Variants in CLYBL observed in about 807,000 individuals in gnomAD.
CLYBL encodes citramalyl-CoA lyase, mitochondrial.
Under a neutral mutation model 38.9 loss-of-function variants are expected in CLYBL, and 31 were observed. That is an observed-to-expected ratio of 0.80 (90% confidence interval 0.60 to 1.08). CLYBL has a LOEUF of 1.08. CLYBL is among the 50% of genes least tolerant of loss of function. The pLI is 0.00. For synonymous variants in CLYBL, 171 were observed against 158.6 expected (o/e 1.08, Z -0.59); for missense variants, 434 against 411.6 (o/e 1.05, Z -0.47).
intron 2 of CLYBL, among the ~76,000 whole-genome samples, chr13:99,786,763 A>G (rs1594182499): frequency 8.5e-6 from 1 of 117,590 alleles, no homozygotes; most frequent in Non-Finnish European, 1.9e-5. Context: ...CTAGTTCTAG[A>G]TGCTTGAGGA....
chr13:99,613,642 A>T (rs2763939), intron 1 of CLYBL, among the ~76,000 whole-genome samples: 46,589 of 152,048 alleles, frequency 0.31, 8,494 homozygotes, highest in Non-Finnish European at 0.41. Context: ...CAATGGAAGC[A>T]GTGAGCGAGA....
At position 99,865,982 on chromosome 13, in the gene CLYBL, AAT is replaced by A. The variant is rs141608743; in HGVS notation, c.635-257_635-256del. 2.6e-5 allele frequency among the ~76,000 whole-genome samples: 4 copies of A among 152,328 alleles called. No individual in the cohort carries two copies. The highest frequency in any genetic ancestry group is 5.9e-5 in the Non-Finnish European group (4 of 68,026). ...TTGCGACCCTGACCCAGCCTCCCAGAATGGGGAAGGGGCCTTCTCTTAATGCA... is the reference window on the plus strand; with the variant it reads ...TTGCGACCCTGACCCAGCCTCCCAGAGGGGAAGGGGCCTTCTCTTAATGCA... On this transcript the variant is annotated intron_variant, in intron 5 of 8. Transcript: ENST00000339105. The surrounding 1 kb of genome is among the most constrained non-coding windows in gnomAD (Gnocchi z 4.7).
At chr13:99,634,392 C>A (rs9554620) in intron 1 of CLYBL, among the ~76,000 whole-genome samples, 62,316 of 151,960 alleles carry the variant, frequency 0.41, 13,587 homozygotes, top group East Asian at 0.67. Context: ...CAGATGATAA[C>A]TTGGATCTAT....
At chr13:99,707,484 G>A (rs2048164004) in intron 1 of CLYBL, among the ~76,000 whole-genome samples, 1 of 152,116 alleles carries the variant, frequency 6.6e-6, no homozygotes, top group Non-Finnish European at 1.5e-5. Context: ...GTGTTGGCCA[G>A]GCTGATCTCG....
intron 1 of CLYBL, among the ~76,000 whole-genome samples, chr13:99,711,077 G>T (rs1052105556): frequency 6.6e-6 from 1 of 151,668 alleles, no homozygotes; most frequent in Non-Finnish European, 1.5e-5. Context: ...TAGTAGAGAG[G>T]GGTTTTGCCA....
At chr13:99,648,566 C>A (rs1330632791) in intron 1 of CLYBL, among the ~76,000 whole-genome samples, 1 of 152,142 alleles carries the variant, frequency 6.6e-6, no homozygotes, top group Admixed American at 6.6e-5. Context: ...CTTTTTCTTA[C>A]ATTTCTGTGT....
chr13:99,722,399 C>G (rs2048406869), intron 1 of CLYBL, among the ~76,000 whole-genome samples: 1 of 151,486 alleles, frequency 6.6e-6, no homozygotes, highest in Non-Finnish European at 1.5e-5. Flanking sequence ...TTCTATCAAG[C>G]TGAGCTACGC....
At chr13:99,703,723 TTATC>T (rs1489529260) in intron 1 of CLYBL, among the ~76,000 whole-genome samples, 1 of 152,162 alleles carries the variant, frequency 6.6e-6, no homozygotes, top group Admixed American at 6.5e-5. Flanking sequence ...TTCAGAAAGA[TTATC>T]TATATTTTTT....
rs145284272 is a variant in CLYBL at position 99,815,283 on chromosome 13, C to T, written c.249+42273C>T. Among the ~76,000 whole-genome samples, 21 of 152,134 alleles carry T rather than the reference C, an allele frequency of 1.4e-4. No homozygotes were observed. The East Asian group carries it at 4.1e-3, about 29-fold the overall frequency. ...CTCATGTGTACGTGTTTGTGAATGG[C>T]GTGTGGGGATGGTGCATGGGGATGG... On this transcript the variant is annotated intron_variant, in intron 2 of 8. Transcript: ENST00000339105.
chr13:99,814,370 A>G (rs1468756775), intron 2 of CLYBL, among the ~76,000 whole-genome samples: 1 of 152,210 alleles, frequency 6.6e-6, no homozygotes, highest in Non-Finnish European at 1.5e-5. Context: ...GGGCATGGGA[A>G]CTTAACCTCC....
chr13:99,896,825 T>TG (rs1483815054), downstream of CLYBL: 1 of 152,176 alleles, frequency 6.6e-6, no homozygotes, highest in African/African-American at 2.4e-5. Flanking sequence ...AAGAAGGAAA[T>TG]GGGGAAATTT....
At chr13:99,871,485 AAAAAGTACAG>A (rs576603413) in intron 7 of CLYBL, among the ~76,000 whole-genome samples, 430 of 152,314 alleles carry the variant, frequency 2.8e-3, no homozygotes, top group Middle Eastern at 0.027. Flanking sequence ...TTTGGGGGGA[AAAAAGTACAG>A]AAATCTCCTC....
intron 1 of CLYBL, among the ~76,000 whole-genome samples, chr13:99,611,880 G>C (rs1165438872): frequency 1.3e-5 from 2 of 152,082 alleles, no homozygotes; most frequent in Non-Finnish European, 2.9e-5. Context: ...TCACATTCAC[G>C]TGCCTGGAGT....
At position 99,862,959 on chromosome 13, in the gene CLYBL, C is replaced by T. The variant is rs183853272; in HGVS notation, c.439-32C>T. The T allele has an allele frequency of 3.3e-4, 420 of 1,276,382 alleles. 13 individuals carry two copies. In the East Asian group the frequency reaches 0.01, roughly 31 times the overall value. The allele number at this position is 1,276,382 out of a possible 1,614,324, so 79.1% of individuals were successfully genotyped here. ...ATTTCCGTGATTGTACATTTTTTCC[C>T]CACTAATCACCTATGACACTTCTGA... On this transcript the variant is annotated intron_variant, in intron 3 of 8. Transcript: ENST00000339105.
At chr13:99,884,829 T>C (rs1188656971) in intron 7 of CLYBL, 7 of 388,904 alleles carry the variant, frequency 1.8e-5, no homozygotes, top group Non-Finnish European at 2.6e-5. Context: ...GAAGCCTCAC[T>C]GCACATTCCA....
intron 7 of CLYBL, among the ~76,000 whole-genome samples, chr13:99,876,109 T>C (rs2052034166): frequency 6.9e-6 from 1 of 145,070 alleles, no homozygotes; most frequent in Non-Finnish European, 1.5e-5. Flanking sequence ...AATGGCTGGT[T>C]TGGTATTAGA....
chr13:99,737,465 T>G lies in CLYBL; in HGVS notation c.63-35359T>G, dbSNP rs2048686097. ...ATTTAAAGAGGTTAAGTAACATGCT[T>G]AGGGTGTCACCAACTCCAGGTGTGC... is the stretch of plus-strand genomic sequence containing the variant. On this transcript the variant is annotated intron_variant, in intron 1 of 8. Coordinates refer to ENST00000339105, the MANE Select transcript of CLYBL (RefSeq NM_206808.5). Among the ~76,000 whole-genome samples, 3 of 151,880 alleles carry G rather than the reference T, an allele frequency of 2.0e-5. No individual in the cohort carries two copies. In the South Asian group the frequency reaches 6.2e-4, roughly 32 times the overall value.
At chr13:99,834,039 C>T (rs2050880765) in intron 2 of CLYBL, among the ~76,000 whole-genome samples, 2 of 152,090 alleles carry the variant, frequency 1.3e-5, no homozygotes, top group Admixed American at 1.3e-4. Context: ...CACTTCCAGC[C>T]CTGCCTCCTT....
chr13:99,623,848 A>G (rs2046830886), intron 1 of CLYBL, among the ~76,000 whole-genome samples: 1 of 151,540 alleles, frequency 6.6e-6, no homozygotes, highest in African/African-American at 2.4e-5. Context: ...AATCCCAGCT[A>G]CTCGGGAGGC....
Sources: allele counts gnomAD v4.1 joint callset (sites outside exome capture counted in the v4.1 genomes callset), GRCh38; gene constraint gnomAD v4.1.1; non-coding constraint Gnocchi (gnomAD v3.1); transcripts MANE v1.5; gene names NCBI Gene and HGNC (gene_info 2026-07-23, HGNC 2026-07-21).